PPARGC1B: variants seen among roughly 807,000 people sequenced by gnomAD.
PPARGC1B encodes PPARG coactivator 1 beta.
PPARGC1B carries 34 observed loss-of-function variants against 101.6 expected under a neutral mutation model. The observed-to-expected ratio is 0.33, with a 90% CI of 0.25 to 0.45. The LOEUF is 0.45. Among genes scored for constraint, PPARGC1B ranks in the 20% least tolerant of loss-of-function variants. PPARGC1B has a pLI of 1.00. For synonymous variants in PPARGC1B, 548 were observed against 539.3 expected, an observed-to-expected ratio of 1.02 and a Z score of -0.22; for missense variants, 1,234 against 1,317.6, an observed-to-expected ratio of 0.94 and a Z score of 0.98.
downstream of PPARGC1B, among the ~76,000 whole-genome samples, chr5:149,855,459 A>G (rs1759923217): frequency 6.6e-6 from 1 of 152,182 alleles, no homozygotes; most frequent in Non-Finnish European, 1.5e-5. Flanking sequence ...CAACTTTCAC[A>G]TAAGCACATT....
At chr5:149,829,773 C>T (rs1280101218) in intron 3 of PPARGC1B, among the ~76,000 whole-genome samples, 2 of 151,516 alleles carry the variant, frequency 1.3e-5, no homozygotes, top group South Asian at 2.1e-4. Context: ...CAGTGGCTTA[C>T]GCCTATAATC....
chr5:149,821,795 G>A (rs1758313601), intron 2 of PPARGC1B, among the ~76,000 whole-genome samples: 1 of 152,180 alleles, frequency 6.6e-6, no homozygotes, highest in African/African-American at 2.4e-5. Flanking sequence ...CTTGTGATAA[G>A]GGCAGAAAGG....
chr5:149,735,564 CTTCTGTTTGCACTACTACATTTCA>C (rs1754673551), intron 1 of PPARGC1B, among the ~76,000 whole-genome samples: 1 of 152,210 alleles, frequency 6.6e-6, no homozygotes, highest in Non-Finnish European at 1.5e-5. Flanking sequence ...TTTTCTGAGC[CTTCTGTTTGCACTACTACATTTCA>C]TTCTCATAGA....
chr5:149,835,300 G>T lies in PPARGC1B; in HGVS notation c.1743-1G>T. ...CTTTCTGTCCTCCCTGCCTCCACCA[G>T]CGACCCAACTTTTGGCAAGAAGAGC... is the stretch of plus-strand genomic sequence containing the variant. On this transcript the variant is annotated splice_acceptor_variant, in intron 6 of 11. Coordinates refer to ENST00000309241, the MANE Select transcript of PPARGC1B (RefSeq NM_133263.4). LOFTEE classifies it high-confidence loss of function. The T allele has an allele frequency of 6.2e-7, 1 of 1,614,152 alleles. No individual in the cohort carries two copies. The highest frequency in any genetic ancestry group is 8.5e-7 in the Non-Finnish European group (1 of 1,180,002).
intron 1 of PPARGC1B, among the ~76,000 whole-genome samples, chr5:149,774,028 C>T (rs563106326): frequency 9.8e-5 from 15 of 152,342 alleles, no homozygotes; most frequent in African/African-American, 3.4e-4. Flanking sequence ...GGGCTCCAGC[C>T]TGAGCCCTCC....
At chr5:149,756,922 C>T (rs1755548281) in intron 1 of PPARGC1B, among the ~76,000 whole-genome samples, 2 of 152,134 alleles carry the variant, frequency 1.3e-5, no homozygotes, top group African/African-American at 4.8e-5. Flanking sequence ...ATTAATTGTT[C>T]TGCCAAGGGA....
intron 1 of PPARGC1B, among the ~76,000 whole-genome samples, chr5:149,766,682 C>T (rs1462971828): frequency 1.3e-5 from 2 of 152,244 alleles, no homozygotes; most frequent in Non-Finnish European, 2.9e-5. Flanking sequence ...TTATACTCTG[C>T]AGTCCTGCCC....
chr5:149,765,921 G>A (rs567215451), intron 1 of PPARGC1B, among the ~76,000 whole-genome samples: 1 of 151,660 alleles, frequency 6.6e-6, no homozygotes, highest in Non-Finnish European at 1.5e-5. Flanking sequence ...ATTGTTTTAG[G>A]ATTAAATTAG....
chr5:149,748,713 A>ATGAC (rs1755176280), intron 1 of PPARGC1B, among the ~76,000 whole-genome samples: 1 of 152,216 alleles, frequency 6.6e-6, no homozygotes, highest in South Asian at 2.1e-4. Flanking sequence ...CATGTGGCTG[A>ATGAC]TGACTGAGCA....
intron 1 of PPARGC1B, among the ~76,000 whole-genome samples, chr5:149,734,981 C>A (rs1168082024): frequency 6.6e-6 from 1 of 152,214 alleles, no homozygotes; most frequent in East Asian, 1.9e-4. Flanking sequence ...CCCCCTGCCA[C>A]ATGGAGAACT....
chr5:149,808,141 C>T (rs1224313435), intron 1 of PPARGC1B, among the ~76,000 whole-genome samples: 1 of 152,186 alleles, frequency 6.6e-6, no homozygotes, highest in Non-Finnish European at 1.5e-5. Flanking sequence ...CTGACCTCAC[C>T]TTTACTTAGA....
intron 1 of PPARGC1B, among the ~76,000 whole-genome samples, chr5:149,777,626 G>C (rs1025590791): frequency 6.6e-6 from 1 of 151,958 alleles, no homozygotes; most frequent in African/African-American, 2.4e-5. Flanking sequence ...TTACAGACTG[G>C]GTCTCCTAAG....
intron 1 of PPARGC1B, among the ~76,000 whole-genome samples, chr5:149,813,948 A>C (rs1408258733): frequency 1.3e-5 from 2 of 152,158 alleles, no homozygotes; most frequent in Admixed American, 6.5e-5. Flanking sequence ...CATCCCATTC[A>C]TGACCTCATC....
intron 1 of PPARGC1B, among the ~76,000 whole-genome samples, chr5:149,775,523 G>A (rs1445357451): frequency 1.3e-5 from 2 of 152,074 alleles, no homozygotes; most frequent in African/African-American, 4.8e-5. Context: ...CAGACAGAAC[G>A]AATTCAGTCT....
intron 1 of PPARGC1B, among the ~76,000 whole-genome samples, chr5:149,755,999 GT>G (rs1162721666): frequency 6.6e-6 from 1 of 152,144 alleles, no homozygotes; most frequent in East Asian, 1.9e-4. Flanking sequence ...AGCAGTCAGG[GT>G]TCAAGACCTT....
At chr5:149,798,907 G>A (rs1465120982) in intron 1 of PPARGC1B, among the ~76,000 whole-genome samples, 3 of 152,086 alleles carry the variant, frequency 2.0e-5, no homozygotes, top group Non-Finnish European at 2.9e-5. Flanking sequence ...GATTCTTATG[G>A]GCCAAATATT....
chr5:149,772,259 G>C, intron 1 of PPARGC1B: 2 of 1,546,736 alleles, frequency 1.3e-6, no homozygotes, highest in South Asian at 2.4e-5. Context: ...ACATGGTTGT[G>C]ATGTGGCGAT....
At chr5:149,747,343 T>C (rs1213284039) in intron 1 of PPARGC1B, among the ~76,000 whole-genome samples, 1 of 152,250 alleles carries the variant, frequency 6.6e-6, no homozygotes, top group East Asian at 1.9e-4. Context: ...GAGTGAGTAG[T>C]TGGCTAAGTC....
Position 149,836,654 on chromosome 5 carries a change from G to A in PPARGC1B, c.2199G>A (p.Gln733=). Residue 733 remains glutamine (Q), a synonymous_variant, in exon 8 of 12, where the codon CAG becomes CAA. Transcript: ENST00000309241. ...AGGGTGCCCCTTGGGCTGAGGCACA[G>A]GCCCCTGGCAGGGAGGAAGACAGAA... ...PQQGAPWAEA[Q]APGREEDRSC... 1 of 1,613,872 alleles carries A rather than the reference G, an allele frequency of 6.2e-7. No individual in the cohort carries two copies. Among genetic ancestry groups the A allele is most frequent in the South Asian group, 1.1e-5 (1 of 91,088 alleles).
Sources: allele counts gnomAD v4.1 joint callset (sites outside exome capture counted in the v4.1 genomes callset), GRCh38; gene constraint gnomAD v4.1.1; transcripts MANE v1.5; gene names NCBI Gene and HGNC (gene_info 2026-07-23, HGNC 2026-07-21).